The following IGSF5 variants were observed in gnomAD, a reference collection of about 807,000 sequenced individuals.
IGSF5 encodes the protein immunoglobulin superfamily member 5, also known as immunoglobulin superfamily 5 like.
In IGSF5, 41 loss-of-function variants were observed where a neutral mutation model predicts 39.4. That is an observed-to-expected ratio of 1.04 (90% CI 0.81 to 1.35). IGSF5 has a LOEUF of 1.35. IGSF5 is among the 40% of genes most tolerant of loss of function. The pLI is 0.00. For missense variants in IGSF5, 487 were observed against 494.6 expected (o/e 0.98, Z 0.15); for synonymous variants, 183 against 175.3 (o/e 1.04, Z -0.34).
At chr21:39,753,656 C>G (rs900722063) in intron 2 of IGSF5, among the ~76,000 whole-genome samples, 1 of 151,844 alleles carries the variant, frequency 6.6e-6, no homozygotes. Flanking sequence ...TCTGGGTGCT[C>G]CATTGTTAGG....
intron 2 of IGSF5, among the ~76,000 whole-genome samples, chr21:39,753,993 G>A (rs944795964): frequency 6.6e-6 from 1 of 151,810 alleles, no homozygotes; most frequent in Non-Finnish European, 1.5e-5. Flanking sequence ...ATTTACATTA[G>A]GTCAATATTA....
At chr21:39,801,129 G>A (rs1051250717) in intron 8 of IGSF5, 133 bp from the exon 9 acceptor site, 5 of 649,020 alleles carry the variant, frequency 7.7e-6, no homozygotes, top group Non-Finnish European at 1.4e-5. Flanking sequence ...GAAAGGAAGA[G>A]CTTATTTTAA....
intron 2 of IGSF5, among the ~76,000 whole-genome samples, chr21:39,762,257 AG>A (rs1184081111): frequency 6.6e-6 from 1 of 152,192 alleles, no homozygotes; most frequent in Non-Finnish European, 1.5e-5. Flanking sequence ...TGCGTGACAA[AG>A]CCCTCAGGAG....
the IGSF5 span, among the ~76,000 whole-genome samples, chr21:39,723,149 A>T: frequency 1.3e-5 from 2 of 152,318 alleles, no homozygotes; most frequent in Middle Eastern, 6.8e-3. Context: ...CGAGACTTCA[A>T]TCAAGGCACT....
At chr21:39,757,146 G>T (rs1325086922) in intron 2 of IGSF5, among the ~76,000 whole-genome samples, 1 of 152,098 alleles carries the variant, frequency 6.6e-6, no homozygotes, top group Non-Finnish European at 1.5e-5. Context: ...TGTGCATGGT[G>T]CACCTTCCCG....
In IGSF5 at chr21:39,751,881, G is replaced by A. The variant is rs140453073; in HGVS notation, c.100+5583G>A. ...GGTTCTGAGAAGGCCGACCCTGAAT[G>A]CAAGATGCTCAGAGCTGGAGTCTTC... On this transcript the variant is annotated intron_variant, in intron 2 of 8. Transcript: ENST00000380588. 1.6e-3 allele frequency among the ~76,000 whole-genome samples: 246 copies of A among 152,274 alleles called. 1 individual carries two copies. Among genetic ancestry groups the A allele is most frequent in the African/African-American group, 5.9e-3 (244 of 41,552 alleles).
rs192984912 is a variant in IGSF5, at chr21:39,748,372, G to A, written c.100+2074G>A. On this transcript the variant is annotated intron_variant, in intron 2 of 8. Transcript: ENST00000380588. ...GTCACCCAGGCTGGAGTGCAGTGGC[G>A]CAATCTCGGCTCACTGCAACCTCCA... Among the ~76,000 whole-genome samples, 802 of 133,690 alleles carry A rather than the reference G, an allele frequency of 6.0e-3. 6 individuals carry two copies. The highest frequency in any genetic ancestry group is 9.2e-3 in the Non-Finnish European group (597 of 64,928). The allele number at this position is 133,690 out of a possible 152,430, so 87.7% of individuals were successfully genotyped here. A position where few individuals can be genotyped will look rare whatever the true frequency, so the allele number is the denominator to read the frequency against.
At chr21:39,738,584 A>G in the IGSF5 span, among the ~76,000 whole-genome samples, 2 of 152,120 alleles carry the variant, frequency 1.3e-5, no homozygotes, top group Admixed American at 6.5e-5. The surrounding 1 kb of genome is among the most constrained non-coding windows in gnomAD (Gnocchi z 6.4). Context: ...GAAAGTGGAG[A>G]CCCAAACAAG....
chr21:39,733,516 T>C, the IGSF5 span, among the ~76,000 whole-genome samples: 2 of 152,250 alleles, frequency 1.3e-5, no homozygotes, highest in African/African-American at 4.8e-5. Context: ...TATTGTTTAG[T>C]GACTTAAAAT....
At chr21:39,781,892 C>T (rs1344937006) in intron 5 of IGSF5, among the ~76,000 whole-genome samples, 3 of 152,026 alleles carry the variant, frequency 2.0e-5, no homozygotes, top group African/African-American at 7.2e-5. Context: ...GACCGATGGC[C>T]CCCTTTATCT....
At chr21:39,780,648 C>A (rs975872064) in intron 5 of IGSF5, among the ~76,000 whole-genome samples, 1 of 152,102 alleles carries the variant, frequency 6.6e-6, no homozygotes, top group African/African-American at 2.4e-5. Flanking sequence ...AAAATAATTA[C>A]GTGTTTCTTT....
chr21:39,722,548 C>T, the IGSF5 span: 1 of 152,128 alleles, frequency 6.6e-6, no homozygotes, highest in African/African-American at 2.4e-5. Flanking sequence ...CCCACCAATG[C>T]TATGTGAGTA....
At chr21:39,737,300 G>A in the IGSF5 span, among the ~76,000 whole-genome samples, 2 of 152,000 alleles carry the variant, frequency 1.3e-5, no homozygotes, top group African/African-American at 4.8e-5. Context: ...AATTGGCAGG[G>A]GTGGGGTTCT....
chr21:39,790,578 A>G (rs1249452598), intron 6 of IGSF5, among the ~76,000 whole-genome samples: 1 of 152,158 alleles, frequency 6.6e-6, no homozygotes, highest in Non-Finnish European at 1.5e-5. Context: ...GGATCCTTTG[A>G]GCCCAGGAGG....
intron 2 of IGSF5, among the ~76,000 whole-genome samples, chr21:39,755,019 G>A (rs10470189): frequency 0.71 from 107,775 of 152,048 alleles, 40,922 homozygotes; most frequent in Non-Finnish European, 0.84. Flanking sequence ...ATGTGAGGGT[G>A]TTGGCAGAAT....
chr21:39,774,806 G>A (rs1355723308), intron 4 of IGSF5, among the ~76,000 whole-genome samples: 1 of 152,240 alleles, frequency 6.6e-6, no homozygotes, highest in Non-Finnish European at 1.5e-5. Flanking sequence ...TAACCTTACT[G>A]TTTTGAGAAA....
chr21:39,775,077 G>A (rs2080132954), intron 4 of IGSF5, among the ~76,000 whole-genome samples: 1 of 152,084 alleles, frequency 6.6e-6, no homozygotes. Flanking sequence ...CCTGGGAATT[G>A]CAATTGTAAA....
intron 4 of IGSF5, 150 bp from the exon 5 acceptor site, chr21:39,778,940 A>T (rs2080154831): frequency 1.3e-6 from 1 of 798,512 alleles, no homozygotes; most frequent in East Asian, 2.7e-5. Flanking sequence ...ATAATTAAAC[A>T]CATTGAAAGA....
At chr21:39,794,992 T>C (rs1348361503) in intron 8 of IGSF5, among the ~76,000 whole-genome samples, 1 of 152,090 alleles carries the variant, frequency 6.6e-6, no homozygotes, top group African/African-American at 2.4e-5. Flanking sequence ...AGTCATGTAT[T>C]GGGAAAACCT....
Sources: gnomAD v4.1 joint callset for allele counts (sites outside exome capture counted in the v4.1 genomes callset) on GRCh38, gnomAD v4.1.1 for gene constraint, Gnocchi (gnomAD v3.1) non-coding constraint, MANE v1.5 for transcripts, NCBI Gene and HGNC (gene_info 2026-07-23, HGNC 2026-07-21) for gene names.